FRMD4A: variants seen among roughly 807,000 people sequenced by gnomAD.
FRMD4A encodes FERM domain containing 4A.
A neutral mutation model predicts 129.1 loss-of-function variants in FRMD4A; 29 were observed. That is an observed-to-expected ratio of 0.22 (90% CI 0.17 to 0.31). The LOEUF is 0.31. Ranked by LOEUF, FRMD4A falls within the 10% of genes least tolerant of loss-of-function variation. The pLI is 1.00. For missense variants in FRMD4A, 1,272 were observed against 1,375.8 expected, an observed-to-expected ratio of 0.92 and a Z score of 1.19; for synonymous variants, 634 against 571.6, an observed-to-expected ratio of 1.11 and a Z score of -1.56.
intron 2 of FRMD4A, among the ~76,000 whole-genome samples, chr10:14,263,247 G>A (rs114474620): frequency 0.016 from 2,387 of 152,218 alleles, 66 homozygotes; most frequent in African/African-American, 0.054. Flanking sequence ...CGCCAGCCCC[G>A]TCTGGGTGAA....
At chr10:14,126,867 TA>T (rs1838871311) in intron 2 of FRMD4A, among the ~76,000 whole-genome samples, 1 of 152,052 alleles carries the variant, frequency 6.6e-6, no homozygotes, top group Non-Finnish European at 1.5e-5. Context: ...GAATGAATCG[TA>T]ATGAGTCATT....
At chr10:13,795,904 G>A (rs2093106688) in intron 5 of FRMD4A, among the ~76,000 whole-genome samples, 1 of 152,088 alleles carries the variant, frequency 6.6e-6, no homozygotes, top group Non-Finnish European at 1.5e-5. Flanking sequence ...AATCACTATA[G>A]CCCACAAATC....
chr10:14,008,310 C>A, intron 2 of FRMD4A: 1 of 1,038,368 alleles, frequency 9.6e-7, no homozygotes, highest in Non-Finnish European at 1.2e-6. Context: ...TTCTTTCGAC[C>A]ATCTGAGTCA....
chr10:14,046,366 A>G (rs1395947732), intron 2 of FRMD4A, among the ~76,000 whole-genome samples: 1 of 152,100 alleles, frequency 6.6e-6, no homozygotes, highest in Non-Finnish European at 1.5e-5. Flanking sequence ...TTGTTAATGT[A>G]ATAAAAGGAG....
chr10:13,943,646 C>CAAAAAAAAAAAA (rs55774636), intron 2 of FRMD4A, among the ~76,000 whole-genome samples: 15 of 58,262 alleles, frequency 2.6e-4, no homozygotes, highest in Non-Finnish European at 3.1e-4. Flanking sequence ...GACTCTGTCT[C>CAAAAAAAAAAAA]AAAAAAAAAA....
chr10:13,692,005 G>A (rs147017063), intron 15 of FRMD4A, among the ~76,000 whole-genome samples: 189 of 152,234 alleles, frequency 1.2e-3, no homozygotes, highest in African/African-American at 4.5e-3. Context: ...CAGAAAGAAT[G>A]AGCATTGACC....
intron 2 of FRMD4A, among the ~76,000 whole-genome samples, chr10:13,946,092 G>C (rs2095329422): frequency 6.6e-6 from 1 of 152,142 alleles, no homozygotes; most frequent in African/African-American, 2.4e-5. Flanking sequence ...CTATGAGTTG[G>C]GATCAAAAGG....
chr10:13,786,275 C>T (rs577129053), intron 5 of FRMD4A, among the ~76,000 whole-genome samples: 16 of 152,306 alleles, frequency 1.1e-4, no homozygotes, highest in East Asian at 9.6e-4. Flanking sequence ...ACATCCTCTC[C>T]GGCACCTGTT....
At chr10:14,046,452 A>G (rs1237390685) in intron 2 of FRMD4A, among the ~76,000 whole-genome samples, 2 of 152,178 alleles carry the variant, frequency 1.3e-5, no homozygotes, top group Non-Finnish European at 2.9e-5. Flanking sequence ...ACGGCAAGAT[A>G]CAAAGCTGTT....
At chr10:13,874,178 G>A (rs898596562) in intron 2 of FRMD4A, among the ~76,000 whole-genome samples, 2 of 146,050 alleles carry the variant, frequency 1.4e-5, no homozygotes, top group African/African-American at 2.5e-5. Flanking sequence ...CCTGCCAGGC[G>A]CAGGTTGTGG....
intron 12 of FRMD4A, chr10:13,707,782 C>A: frequency 1.0e-6 from 1 of 985,438 alleles, no homozygotes; most frequent in Non-Finnish European, 1.2e-6. Flanking sequence ...GTTCTGTCGC[C>A]CGGAAGGACG....
rs534261958 is a variant in FRMD4A at position 13,750,462 on chromosome 10, C to A, written c.465-2643G>T. Reference sequence around the variant, plus strand: ...GAGCTCCTACAAAGCTCACTGACCACAGGGGTGATGTGTGATCATGTCAAT... The same window carrying A: ...GAGCTCCTACAAAGCTCACTGACCAAAGGGGTGATGTGTGATCATGTCAAT... On this transcript the variant is annotated intron_variant, in intron 8 of 24. Transcript: ENST00000357447. Among the ~76,000 whole-genome samples, 8 of 152,302 alleles carry A rather than the reference C, an allele frequency of 5.3e-5. No homozygotes were observed. In the East Asian group the frequency reaches 1.5e-3, roughly 29 times the overall value.
chr10:14,233,909 A>G (rs1234447697), intron 2 of FRMD4A, among the ~76,000 whole-genome samples: 3 of 152,254 alleles, frequency 2.0e-5, no homozygotes, highest in Non-Finnish European at 4.4e-5. Flanking sequence ...TGAGTCTGCA[A>G]TAATAAATCA....
chr10:14,113,413 C>T (rs113256816), intron 2 of FRMD4A, among the ~76,000 whole-genome samples: 1 of 152,250 alleles, frequency 6.6e-6, no homozygotes, highest in African/African-American at 2.4e-5. Context: ...ATTTTCTTAG[C>T]AACATTTTCT....
At chr10:13,702,533 T>C (rs899841678) in intron 13 of FRMD4A, among the ~76,000 whole-genome samples, 3 of 112,102 alleles carry the variant, frequency 2.7e-5, no homozygotes, top group Non-Finnish European at 3.7e-5. Context: ...TAAGAATGTG[T>C]GTTTGCATGT....
intron 2 of FRMD4A, among the ~76,000 whole-genome samples, chr10:14,303,552 C>A (rs1188980123): frequency 6.6e-6 from 1 of 152,198 alleles, no homozygotes; most frequent in African/African-American, 2.4e-5. Context: ...ATCCATCACG[C>A]CTTTCTCATG....
intron 2 of FRMD4A, among the ~76,000 whole-genome samples, chr10:14,063,274 T>C (rs1834901082): frequency 6.6e-6 from 1 of 152,056 alleles, no homozygotes; most frequent in Non-Finnish European, 1.5e-5. Flanking sequence ...CTTGAATGAC[T>C]CCCAGATGTT....
intron 2 of FRMD4A, among the ~76,000 whole-genome samples, chr10:14,102,468 G>A (rs1259348531): frequency 6.6e-6 from 1 of 152,158 alleles, no homozygotes; most frequent in Non-Finnish European, 1.5e-5. Flanking sequence ...CGGACACATT[G>A]AGTAATTCCC....
chr10:14,281,799 T>C (rs1024153723), intron 2 of FRMD4A, among the ~76,000 whole-genome samples: 2 of 152,192 alleles, frequency 1.3e-5, no homozygotes, highest in African/African-American at 4.8e-5. Context: ...AAAACCACCT[T>C]TTCCCACTTG....
Sources: gnomAD v4.1 joint callset for allele counts (sites outside exome capture counted in the v4.1 genomes callset) on GRCh38, gnomAD v4.1.1 for gene constraint, MANE v1.5 for transcripts, NCBI Gene and HGNC (gene_info 2026-07-23, HGNC 2026-07-21) for gene names.